DCHS2: variants seen among roughly 807,000 people sequenced by gnomAD.
DCHS2 encodes protocadherin-23.
Under a neutral mutation model 182.4 loss-of-function variants are expected in DCHS2, and 142 were observed. The ratio of observed to expected loss-of-function variants is 0.78; its 90% CI spans 0.68 to 0.89. The LOEUF (loss-of-function observed/expected upper bound fraction) is 0.89. Among genes scored for constraint, DCHS2 ranks in the 40% least tolerant of loss-of-function variants. The pLI is 0.00. For missense variants in DCHS2, 4,319 were observed against 4,198.6 expected, an observed-to-expected ratio of 1.03 and a Z score of -0.79; for synonymous variants, 1,740 against 1,663.3, an observed-to-expected ratio of 1.05 and a Z score of -1.12.
At chr4:154,373,452 A>G (rs1244978978) in intron 2 of DCHS2, among the ~76,000 whole-genome samples, 1 of 152,208 alleles carries the variant, frequency 6.6e-6, no homozygotes, top group African/African-American at 2.4e-5. Context: ...TACATACTAT[A>G]TGTGTATACA....
intron 1 of DCHS2, among the ~76,000 whole-genome samples, chr4:154,423,219 C>T (rs947433511): frequency 6.6e-6 from 1 of 152,188 alleles, no homozygotes; most frequent in Non-Finnish European, 1.5e-5. Context: ...AGTCCACTGG[C>T]CTAGCCCAAT....
chr4:154,340,186 C>G (rs897291693), intron 3 of DCHS2, among the ~76,000 whole-genome samples: 8 of 151,912 alleles, frequency 5.3e-5, no homozygotes, highest in Non-Finnish European at 8.8e-5. Context: ...GAGCACACTT[C>G]CTTAAAAATA....
chr4:154,490,744 G>C lies in DCHS2; in HGVS notation c.612C>G (p.Tyr204Ter). 2 of 1,551,646 alleles carry C rather than the reference G, an allele frequency of 1.3e-6. No homozygotes were observed. Among genetic ancestry groups the C allele is most frequent in the Non-Finnish European group, 1.7e-6 (2 of 1,146,918 alleles). ...GCAGGTCGGACGGTTGCACCAGGGT[G>C]TAGCCCTGAGTGCTGAACAGTCCGG... is the stretch of plus-strand genomic sequence containing the variant. ...PDAGLFSTQGYTLVQPSDLPK... is the reference protein window; with the variant it reads ...PDAGLFSTQG Residue 204 changes from tyrosine to a stop codon, truncating the protein, a stop_gained, in exon 1 of 20, where the codon TAC (tyrosine) becomes TAG (stop). Coordinates refer to ENST00000357232, the MANE Select transcript of DCHS2 (RefSeq NM_001358235.2). LOFTEE classifies it high-confidence loss of function.
At chr4:154,258,001 G>A (rs1371746589) in intron 15 of DCHS2, among the ~76,000 whole-genome samples, 1 of 152,192 alleles carries the variant, frequency 6.6e-6, no homozygotes, top group African/African-American at 2.4e-5. Context: ...ACGATGCAGG[G>A]CCCCAGTGTG....
rs115751735 is a variant in DCHS2 at position 154,342,232 on chromosome 4, C to G, written c.2477-7128G>C. Among the ~76,000 whole-genome samples the G allele has an allele frequency of 7.4e-3, 1,112 of 150,962 alleles. 9 individuals are homozygous for G. Among genetic ancestry groups the G allele is most frequent in the African/African-American group, 0.026 (1,070 of 41,118 alleles). On this transcript the variant is annotated intron_variant, in intron 3 of 19. Coordinates refer to ENST00000357232, the MANE Select transcript of DCHS2 (RefSeq NM_001358235.2). ...TTATTGGTAAAAAAAAAAGTGTTAA[C>G]AGTCATTTGAGATTTTAGTGAGTGG... is the stretch of plus-strand genomic sequence containing the variant.
Position 154,298,317 on chromosome 4 carries a change from G to A in DCHS2, c.5997C>T (p.Ala1999=), listed in dbSNP as rs1370474547. 3 of 1,614,044 alleles carry A rather than the reference G, an allele frequency of 1.9e-6. No individual in the cohort carries two copies. The highest frequency in any genetic ancestry group is 1.3e-5 in the African/African-American group (1 of 74,928). The change falls in exon 13 of 20, where the codon GCC becomes GCT. Residue 1999 remains alanine (A), a synonymous_variant. Coordinates refer to ENST00000357232, the MANE Select transcript of DCHS2 (RefSeq NM_001358235.2). ...LKTSNTLDRE[A]RSQHTFSAVA... is the part of the protein sequence containing the mutation. ...CAGCACTAAATGTATGCTGAGATCT[G>A]GCTTCACGGTCGAGGGTGTTGCTGG... is the stretch of plus-strand genomic sequence containing the variant.
At position 154,490,292 on chromosome 4, in the gene DCHS2, T is replaced by C. The variant is rs1728761547; in HGVS notation, c.1064A>G (p.Tyr355Cys). The change falls in exon 1 of 20, where the codon TAC becomes TGC. Residue 355 changes from tyrosine to cysteine, a missense_variant. Coordinates refer to ENST00000357232, the MANE Select transcript of DCHS2 (RefSeq NM_001358235.2). ...GCCGCTCAGCTCCTCCACCGCGAAG[T>C]AGGCCGCGTCGCCCAGTGCCCCGCC... is the stretch of plus-strand genomic sequence containing the variant. ...SGGGALGDAA[Y>C]FAVEELSGVV... 3.9e-6 allele frequency: 6 copies of C among 1,547,642 alleles called. No homozygotes were observed. Among genetic ancestry groups the C allele is most frequent in the Non-Finnish European group, 5.2e-6 (6 of 1,146,636 alleles).
chr4:154,336,458 A>G (rs1162929097), intron 3 of DCHS2, among the ~76,000 whole-genome samples: 2 of 152,240 alleles, frequency 1.3e-5, no homozygotes, highest in African/African-American at 2.4e-5. Context: ...GGAATTCATC[A>G]TGTACAACTG....
At chr4:154,317,562 A>G (rs140109942) in intron 9 of DCHS2, among the ~76,000 whole-genome samples, 113 of 152,316 alleles carry the variant, frequency 7.4e-4, no homozygotes, top group African/African-American at 2.6e-3. Flanking sequence ...AATGCTTTTA[A>G]CTAACAGTTG....
At chr4:154,445,975 G>GA (rs1197062995) in intron 1 of DCHS2, among the ~76,000 whole-genome samples, 26 of 152,098 alleles carry the variant, frequency 1.7e-4, no homozygotes, top group Admixed American at 1.7e-3. Context: ...GGTACAATCA[G>GA]AAAAAGAGTT....
chr4:154,477,162 G>A (rs566877738), intron 1 of DCHS2, among the ~76,000 whole-genome samples: 43 of 152,284 alleles, frequency 2.8e-4, no homozygotes, highest in South Asian at 2.5e-3. Context: ...GTGCCAGCAC[G>A]GTTGGGTTCT....
chr4:154,357,103 C>T (rs1729906062), intron 3 of DCHS2: 2 of 653,942 alleles, frequency 3.1e-6, no homozygotes, highest in Admixed American at 4.6e-5. Context: ...AATCTAACAT[C>T]AACGAACCTT....
intron 12 of DCHS2, among the ~76,000 whole-genome samples, chr4:154,302,943 A>ATATATAT: frequency 9.9e-5 from 4 of 40,384 alleles, no homozygotes; most frequent in African/African-American, 5.6e-4. Flanking sequence ...GTATACACAC[A>ATATATAT]CACACACACA....
intron 2 of DCHS2, among the ~76,000 whole-genome samples, chr4:154,368,779 A>G (rs1483386123): frequency 6.6e-6 from 1 of 152,154 alleles, no homozygotes; most frequent in Non-Finnish European, 1.5e-5. Context: ...GATTACAGGC[A>G]TGAGCCACCA....
At chr4:154,465,075 G>C (rs1267999411) in intron 1 of DCHS2, among the ~76,000 whole-genome samples, 1 of 152,164 alleles carries the variant, frequency 6.6e-6, no homozygotes, top group Non-Finnish European at 1.5e-5. Flanking sequence ...CAAATTTAGT[G>C]GCTTAAAACA....
At chr4:154,259,800 G>T in intron 14 of DCHS2, 44 bp from the exon 15 acceptor site, 2 of 1,524,304 alleles carry the variant, frequency 1.3e-6, no homozygotes, top group Non-Finnish European at 1.8e-6. Flanking sequence ...TGATGTTGTA[G>T]TTATTCTTTT....
At position 154,255,608 on chromosome 4, in the gene DCHS2, G is replaced by A. The variant is rs770405833; in HGVS notation, c.6852C>T (p.Gly2284=). The part of the protein sequence containing the change: ...NGLIEYSILS[G]NQEEAFQIDA... ...CAATCTGGAATGCTTCTTCTTGGTT[G>A]CCAGACAGAATAGAATACTCAATCA... Residue 2284 remains glycine, a synonymous_variant, in exon 16 of 20, where the codon GGC becomes GGT. Transcript: ENST00000357232. 1 of 1,613,952 alleles carries A rather than the reference G, an allele frequency of 6.2e-7. No individual in the cohort carries two copies. The highest frequency in any genetic ancestry group is 2.2e-5 in the East Asian group (1 of 44,824).
chr4:154,280,121 A>T (rs1001359031), intron 13 of DCHS2, among the ~76,000 whole-genome samples: 2 of 152,062 alleles, frequency 1.3e-5, no homozygotes, highest in Non-Finnish European at 2.9e-5. Context: ...AAATTAGATA[A>T]CCTAGATGAA....
At chr4:154,292,071 T>C (rs1484259008) in intron 13 of DCHS2, among the ~76,000 whole-genome samples, 4 of 152,150 alleles carry the variant, frequency 2.6e-5, no homozygotes, top group Admixed American at 1.3e-4. Flanking sequence ...CCCATAAATA[T>C]ATATACCTAC....
Sources: allele counts gnomAD v4.1 joint callset (sites outside exome capture counted in the v4.1 genomes callset), GRCh38; gene constraint gnomAD v4.1.1; transcripts MANE v1.5; gene names NCBI Gene and HGNC (gene_info 2026-07-23, HGNC 2026-07-21).